The following PXDNL variants were observed in gnomAD, a reference collection of about 807,000 sequenced individuals.
PXDNL encodes the protein probable oxidoreductase PXDNL.
A neutral mutation model predicts 150.8 loss-of-function variants in PXDNL; 145 were observed. The ratio of observed to expected loss-of-function variants is 0.96; its 90% CI spans 0.84 to 1.10. The LOEUF is 1.10. Among genes scored for constraint, PXDNL ranks in the 50% least tolerant of loss-of-function variants. The pLI is 0.00. For synonymous variants in PXDNL, 757 were observed against 725.7 expected, an observed-to-expected ratio of 1.04 and a Z score of -0.69; for missense variants, 2,087 against 1,873.9, an observed-to-expected ratio of 1.11 and a Z score of -2.10.
chr8:51,331,826 C>G (rs1026325256), intron 21 of PXDNL, among the ~76,000 whole-genome samples: 1 of 152,088 alleles, frequency 6.6e-6, no homozygotes, highest in East Asian at 1.9e-4. Context: ...CCCACAGCAG[C>G]GCAGCAAGAC....
At chr8:51,329,790 A>G (rs1170029512) in intron 21 of PXDNL, among the ~76,000 whole-genome samples, 1 of 152,234 alleles carries the variant, frequency 6.6e-6, no homozygotes, top group Non-Finnish European at 1.5e-5. Context: ...ATTAGTCAAG[A>G]TTCTCCAGGG....
At chr8:51,421,914 A>G (rs1020331053) in intron 14 of PXDNL, among the ~76,000 whole-genome samples, 5 of 152,196 alleles carry the variant, frequency 3.3e-5, no homozygotes, top group Admixed American at 6.5e-5. Context: ...CGAAGATCCT[A>G]TGACAGAGGT....
At chr8:51,588,765 C>A (rs562680457) in intron 3 of PXDNL, among the ~76,000 whole-genome samples, 1 of 152,206 alleles carries the variant, frequency 6.6e-6, no homozygotes, top group South Asian at 2.1e-4. Flanking sequence ...GAGTAGAGAA[C>A]TACAGAGCAG....
intron 3 of PXDNL, among the ~76,000 whole-genome samples, chr8:51,577,845 C>G (rs1346497378): frequency 6.7e-6 from 1 of 148,290 alleles, no homozygotes; most frequent in African/African-American, 2.5e-5. Context: ...TCTTACCACT[C>G]CATTGGAAGA....
intron 12 of PXDNL, among the ~76,000 whole-genome samples, chr8:51,441,600 C>T (rs1809549630): frequency 6.6e-6 from 1 of 152,190 alleles, no homozygotes; most frequent in Non-Finnish European, 1.5e-5. Context: ...GAAATCAATG[C>T]ACAGTTTTTT....
chr8:51,364,766 G>A (rs992732679), intron 19 of PXDNL, among the ~76,000 whole-genome samples: 1 of 152,128 alleles, frequency 6.6e-6, no homozygotes, highest in African/African-American at 2.4e-5. Context: ...GCTGCCATCG[G>A]TTATGGAGAA....
chr8:51,332,842 T>A (rs1209111472), intron 21 of PXDNL, among the ~76,000 whole-genome samples: 1 of 152,204 alleles, frequency 6.6e-6, no homozygotes, highest in Non-Finnish European at 1.5e-5. Flanking sequence ...GGGATTATGT[T>A]ATATGACCAA....
At chr8:51,511,740 C>G (rs1220211826) in intron 4 of PXDNL, among the ~76,000 whole-genome samples, 1 of 152,202 alleles carries the variant, frequency 6.6e-6, no homozygotes, top group Admixed American at 6.5e-5. Context: ...GCACTCCCCC[C>G]TTTCTAGGGA....
chr8:51,448,898 T>C, intron 11 of PXDNL, 104 bp downstream of exon 11: 2 of 712,488 alleles, frequency 2.8e-6, no homozygotes, highest in Non-Finnish European at 5.1e-6. Flanking sequence ...AATTTTTTCA[T>C]GTCCATGATA....
intron 1 of PXDNL, among the ~76,000 whole-genome samples, chr8:51,693,597 AC>A (rs1352502639): frequency 6.6e-6 from 1 of 151,710 alleles, no homozygotes; most frequent in Admixed American, 6.6e-5. Context: ...ACATGGCAAA[AC>A]CCCCTCCCTT....
Position 51,456,772 on chromosome 8 carries a change from C to G in PXDNL, c.982+726G>C, listed in dbSNP as rs550273162. On this transcript the variant is annotated intron_variant, in intron 9 of 22. Coordinates refer to ENST00000356297, the MANE Select transcript of PXDNL (RefSeq NM_144651.5). ...ATCATTTCGGTAACTAGGAATTGGC[C>G]ATGGTGAGATTATTTATAGAACAGA... is the stretch of plus-strand genomic sequence containing the variant. Among the ~76,000 whole-genome samples, 10 of 152,252 alleles carry G rather than the reference C, an allele frequency of 6.6e-5. 1 individual carries two copies. The highest frequency in any genetic ancestry group is 2.4e-4 in the African/African-American group (10 of 41,538).
rs200208620 is a variant in PXDNL, at chr8:51,578,112, AAG to A, written c.308+14513_308+14514del. ...AGAAAGAAAGAAAGAAAAAGAAAGA[AAG>A]AAAGAAGGAAAGAAAGAAAGAGTGA... is the stretch of plus-strand genomic sequence containing the variant. On this transcript the variant is annotated intron_variant, in intron 3 of 22. Transcript: ENST00000356297. Among the ~76,000 whole-genome samples, 71 of 144,682 alleles carry A rather than the reference AAG, an allele frequency of 4.9e-4. No individual in the cohort carries two copies. The East Asian group carries it at 0.011, about 22-fold the overall frequency. 94.9% of individuals were successfully genotyped at this position (144,682 alleles called of 152,430 possible). A position where few individuals can be genotyped will look rare whatever the true frequency, so the allele number is the denominator to read the frequency against.
At chr8:51,590,198 T>C (rs1251018311) in intron 3 of PXDNL, among the ~76,000 whole-genome samples, 1 of 151,910 alleles carries the variant, frequency 6.6e-6, no homozygotes, top group Non-Finnish European at 1.5e-5. Flanking sequence ...GTCCACATGG[T>C]ATAAGTCTCC....
At chr8:51,771,802 G>A (rs1313675207) in intron 1 of PXDNL, among the ~76,000 whole-genome samples, 3 of 152,144 alleles carry the variant, frequency 2.0e-5, no homozygotes, top group Non-Finnish European at 4.4e-5. Flanking sequence ...GAAGTTTCTG[G>A]ACCAGGCGGT....
intron 22 of PXDNL, 105 bp from the exon 23 acceptor site, chr8:51,320,127 T>G: frequency 9.9e-7 from 1 of 1,010,836 alleles, no homozygotes; most frequent in Admixed American, 4.1e-5. Context: ...GCTGACTGTC[T>G]CAATATAATA....
rs575197412 is a variant in PXDNL at position 51,522,335 on chromosome 8, C to T, written c.381-22565G>A. ...CTGGGTTCTCTGTTTTAACTGCCAT[C>T]GGGTCAGGTCTGTGGAATGAGTTAT... On this transcript the variant is annotated intron_variant, in intron 4 of 22. Transcript: ENST00000356297. Among the ~76,000 whole-genome samples, 15 of 152,192 alleles carry T rather than the reference C, an allele frequency of 9.9e-5. No homozygotes were observed. In the East Asian group the frequency reaches 2.3e-3, roughly 24 times the overall value.
intron 2 of PXDNL, among the ~76,000 whole-genome samples, chr8:51,645,808 T>G (rs78772533): frequency 0.091 from 13,777 of 152,172 alleles, 923 homozygotes; most frequent in East Asian, 0.23. Flanking sequence ...AGGCCTCAGA[T>G]GTTGTGCAGA....
intron 19 of PXDNL, among the ~76,000 whole-genome samples, chr8:51,362,645 A>G (rs78570306): frequency 0.033 from 4,966 of 152,248 alleles, 255 homozygotes; most frequent in African/African-American, 0.11. Context: ...GTGCTGTTGA[A>G]ATACAGATTT....
intron 17 of PXDNL, among the ~76,000 whole-genome samples, chr8:51,396,672 C>G (rs544521963): frequency 6.6e-6 from 1 of 152,110 alleles, no homozygotes; most frequent in East Asian, 1.9e-4. Flanking sequence ...GCAGGAGAAA[C>G]GCTTGAACGT....
Sources: gnomAD v4.1 joint callset for allele counts (sites outside exome capture counted in the v4.1 genomes callset) on GRCh38, gnomAD v4.1.1 for gene constraint, MANE v1.5 for transcripts, NCBI Gene and HGNC (gene_info 2026-07-23, HGNC 2026-07-21) for gene names.